Variants in LRRTM4 observed in about 807,000 individuals in gnomAD.
LRRTM4 encodes the protein leucine-rich repeat transmembrane neuronal protein 4.
A neutral mutation model predicts 47.6 loss-of-function variants in LRRTM4; 25 were observed. The observed-to-expected ratio is 0.53, with a 90% CI of 0.38 to 0.73. The LOEUF (loss-of-function observed/expected upper bound fraction) is 0.73. Ranked by LOEUF, LRRTM4 falls within the 30% of genes least tolerant of loss-of-function variation. The pLI, the probability that LRRTM4 is intolerant of heterozygous loss-of-function variation, is 0.00. For missense variants in LRRTM4, 638 were observed against 713.4 expected, an observed-to-expected ratio of 0.89 and a Z score of 1.20; for synonymous variants, 311 against 269.5, an observed-to-expected ratio of 1.15 and a Z score of -1.51.
At chr2:77,473,161 C>A (rs777617447) in intron 3 of LRRTM4, among the ~76,000 whole-genome samples, 9 of 152,040 alleles carry the variant, frequency 5.9e-5, no homozygotes, top group Non-Finnish European at 1.3e-4. Context: ...ATCTTCCCTG[C>A]CCGTCTTCCT....
intron 3 of LRRTM4, among the ~76,000 whole-genome samples, chr2:76,895,807 C>T (rs142426447): frequency 2.6e-5 from 4 of 152,176 alleles, no homozygotes; most frequent in Non-Finnish European, 5.9e-5. Context: ...AACTTCCATG[C>T]AGTCTGTGGA....
At chr2:77,175,162 T>C (rs1054524257) in intron 3 of LRRTM4, among the ~76,000 whole-genome samples, 6 of 151,008 alleles carry the variant, frequency 4.0e-5, no homozygotes, top group African/African-American at 1.5e-4. Context: ...CTCCACCTCC[T>C]GGGTTCAAGC....
intron 3 of LRRTM4, among the ~76,000 whole-genome samples, chr2:77,210,152 T>G (rs1558634850): frequency 6.6e-6 from 1 of 152,200 alleles, no homozygotes. Flanking sequence ...TGACTAGGCA[T>G]TTGAAGGAGA....
intron 3 of LRRTM4, among the ~76,000 whole-genome samples, chr2:77,498,733 T>C (rs1442609969): frequency 6.6e-6 from 1 of 151,802 alleles, no homozygotes; most frequent in African/African-American, 2.4e-5. Context: ...ATAGTACTAC[T>C]ATTGTGGCAA....
chr2:77,193,496 CT>C (rs965035828), intron 3 of LRRTM4, among the ~76,000 whole-genome samples: 101 of 144,970 alleles, frequency 7.0e-4, no homozygotes, highest in Middle Eastern at 3.5e-3. Flanking sequence ...ATGCCTTGCT[CT>C]TTTTTTTTTT....
At chr2:76,812,606 C>T (rs1457006824) in intron 3 of LRRTM4, among the ~76,000 whole-genome samples, 2 of 152,084 alleles carry the variant, frequency 1.3e-5, no homozygotes, top group African/African-American at 4.8e-5. Flanking sequence ...TAATTATTGG[C>T]TTTAGGTTAT....
chr2:77,294,223 T>C (rs79811915), intron 3 of LRRTM4, among the ~76,000 whole-genome samples: 4,788 of 152,214 alleles, frequency 0.031, 257 homozygotes, highest in African/African-American at 0.11. Context: ...TGGAATAATA[T>C]AATCAACTAT....
intron 3 of LRRTM4, among the ~76,000 whole-genome samples, chr2:77,287,760 T>C (rs919441764): frequency 1.3e-5 from 2 of 152,146 alleles, no homozygotes; most frequent in Non-Finnish European, 2.9e-5. Flanking sequence ...AATTGTCCTA[T>C]CTTACAATTA....
At chr2:77,323,389 C>T (rs1670620551) in intron 3 of LRRTM4, among the ~76,000 whole-genome samples, 1 of 152,088 alleles carries the variant, frequency 6.6e-6, no homozygotes, top group Admixed American at 6.6e-5. Flanking sequence ...TGGGAGAAAA[C>T]TTGAATGCTG....
chr2:76,980,947 T>C (rs1485154833), intron 3 of LRRTM4, among the ~76,000 whole-genome samples: 1 of 152,118 alleles, frequency 6.6e-6, no homozygotes, highest in Non-Finnish European at 1.5e-5. Flanking sequence ...AGTGATCTTA[T>C]CTACCTGGTT....
Position 77,502,851 on chromosome 2 carries a change from G to A in LRRTM4, c.1551+15467C>T, listed in dbSNP as rs149234567. Among the ~76,000 whole-genome samples, 180 of 151,660 alleles carry A rather than the reference G, an allele frequency of 1.2e-3. 2 individuals carry two copies. The highest frequency in any genetic ancestry group is 4.1e-3 in the African/African-American group (172 of 41,448). ...GGCTTCCTGAGGAGCTGGTGAATGC[G>A]AATTCATTATATGGAGGTGAATAGT... On this transcript the variant is annotated intron_variant, in intron 3 of 3. Coordinates refer to ENST00000409884, the MANE Select transcript of LRRTM4 (RefSeq NM_001134745.3).
At chr2:77,284,464 C>A (rs1407078910) in intron 3 of LRRTM4, among the ~76,000 whole-genome samples, 2 of 151,922 alleles carry the variant, frequency 1.3e-5, no homozygotes, top group Non-Finnish European at 2.9e-5. Context: ...AAAATTACAA[C>A]TAGATTTAAA....
At chr2:77,295,295 C>T (rs576204905) in intron 3 of LRRTM4, among the ~76,000 whole-genome samples, 5 of 152,178 alleles carry the variant, frequency 3.3e-5, no homozygotes, top group Admixed American at 2.6e-4. Flanking sequence ...TGTTTTACCC[C>T]ATGTTAAGAT....
At chr2:77,214,644 C>T (rs1341030168) in intron 3 of LRRTM4, among the ~76,000 whole-genome samples, 1 of 151,386 alleles carries the variant, frequency 6.6e-6, no homozygotes, top group Admixed American at 6.6e-5. Flanking sequence ...TAAACCTTTC[C>T]TTAAGTACAA....
At chr2:77,202,008 T>C (rs1158111552) in intron 3 of LRRTM4, among the ~76,000 whole-genome samples, 1 of 152,124 alleles carries the variant, frequency 6.6e-6, no homozygotes, top group Non-Finnish European at 1.5e-5. Flanking sequence ...AGTCTAGGCT[T>C]TCTTGAAGGT....
At chr2:76,846,385 C>T (rs1265590588) in intron 3 of LRRTM4, among the ~76,000 whole-genome samples, 2 of 152,086 alleles carry the variant, frequency 1.3e-5, no homozygotes, top group East Asian at 1.9e-4. Flanking sequence ...ATAATTTGCT[C>T]AGAACTAATG....
At chr2:76,788,847 A>G (rs1257719741) in intron 3 of LRRTM4, among the ~76,000 whole-genome samples, 2 of 150,262 alleles carry the variant, frequency 1.3e-5, no homozygotes, top group African/African-American at 2.4e-5. Flanking sequence ...GATAATAATG[A>G]TAAATGTTTT....
chr2:76,796,404 C>T (rs1432178469), intron 3 of LRRTM4, among the ~76,000 whole-genome samples: 2 of 131,740 alleles, frequency 1.5e-5, no homozygotes, highest in Admixed American at 7.7e-5. Flanking sequence ...CCTCTGCAGA[C>T]TTAAATGTCC....
chr2:77,081,247 A>C (rs1248657191), intron 3 of LRRTM4, among the ~76,000 whole-genome samples: 1 of 139,906 alleles, frequency 7.1e-6, no homozygotes, highest in South Asian at 2.4e-4. Flanking sequence ...ACCTGACAGC[A>C]ACACACACAC....
Sources: gnomAD v4.1 joint callset for allele counts (sites outside exome capture counted in the v4.1 genomes callset) on GRCh38, gnomAD v4.1.1 for gene constraint, MANE v1.5 for transcripts, NCBI Gene and HGNC (gene_info 2026-07-23, HGNC 2026-07-21) for gene names.